SLC22A24: variants seen among roughly 807,000 people sequenced by gnomAD.
SLC22A24 encodes the protein steroid transmembrane transporter SLC22A24.
Under a neutral mutation model 49.8 loss-of-function variants are expected in SLC22A24, and 53 were observed. The observed-to-expected ratio is 1.06, with a 90% confidence interval of 0.85 to 1.34. The LOEUF (loss-of-function observed/expected upper bound fraction) is 1.34, where lower values mean the gene tolerates loss of function less well. Ranked by LOEUF, SLC22A24 falls within the 40% of genes most tolerant of loss-of-function variation. The pLI is 0.00. For synonymous variants in SLC22A24, 302 were observed against 256.4 expected (o/e 1.18, Z -1.70); for missense variants, 786 against 675.9 (o/e 1.16, Z -1.81).
chr11:63,081,062 A>G lies in SLC22A24; in HGVS notation c.1456T>C (p.Leu486=), dbSNP rs373626890. 133 of 1,551,708 alleles carry G rather than the reference A, an allele frequency of 8.6e-5. 2 individuals carry two copies. The African/African-American group carries it at 1.2e-3, about 14-fold the overall frequency. Residue 486 remains leucine, a synonymous_variant, in exon 9 of 10, where the codon TTG becomes CTG. Coordinates refer to ENST00000612278, the MANE Select transcript of SLC22A24 (RefSeq NM_001136506.2). ...GRTGAALAPL[L]MTLMAYSPHL... ...GGAGAATACGCCATTAAGGTCATCAACAGAGGAGCCAGTGCTGCCCCAGTC... is the reference window on the plus strand; with the variant it reads ...GGAGAATACGCCATTAAGGTCATCAGCAGAGGAGCCAGTGCTGCCCCAGTC...
intron 4 of SLC22A24, among the ~76,000 whole-genome samples, chr11:63,111,400 A>T (rs1382238510): frequency 1.3e-5 from 2 of 151,434 alleles, no homozygotes; most frequent in Non-Finnish European, 3.0e-5. Flanking sequence ...TTTTCTATTG[A>T]TTGGAATAGT....
chr11:63,127,891 A>G (rs1187998384), intron 2 of SLC22A24, among the ~76,000 whole-genome samples: 2 of 152,022 alleles, frequency 1.3e-5, no homozygotes, highest in Non-Finnish European at 2.9e-5. Flanking sequence ...ATAGACTACA[A>G]AAATTTTCTC....
chr11:63,137,186 T>C (rs1222781238), intron 1 of SLC22A24, among the ~76,000 whole-genome samples: 1 of 151,988 alleles, frequency 6.6e-6, no homozygotes, highest in East Asian at 1.9e-4. Context: ...GTAGGAAGAG[T>C]CCTGGTTTGG....
intron 6 of SLC22A24, among the ~76,000 whole-genome samples, chr11:63,085,692 T>G (rs910770152): frequency 6.6e-6 from 1 of 152,228 alleles, no homozygotes; most frequent in Non-Finnish European, 1.5e-5. Flanking sequence ...CTCTGCAACC[T>G]TAACACATAG....
intron 6 of SLC22A24, among the ~76,000 whole-genome samples, chr11:63,085,409 T>C (rs2086981732): frequency 6.6e-6 from 1 of 152,154 alleles, no homozygotes; most frequent in Admixed American, 6.5e-5. Context: ...AAATTATAGT[T>C]ACAAGTTTAC....
At chr11:63,080,725 G>A (rs1026550144) in intron 9 of SLC22A24, among the ~76,000 whole-genome samples, 195 bp downstream of exon 9, 3 of 152,136 alleles carry the variant, frequency 2.0e-5, no homozygotes, top group Non-Finnish European at 4.4e-5. Flanking sequence ...TGACATAGAG[G>A]GCCTCAAGAG....
At chr11:63,093,706 G>A (rs925848397) in intron 6 of SLC22A24, among the ~76,000 whole-genome samples, 2 of 152,222 alleles carry the variant, frequency 1.3e-5, no homozygotes, top group East Asian at 1.9e-4. Context: ...GGGGAAGGTG[G>A]GAGGAGGGAG....
At chr11:63,090,013 A>G (rs1223846433) in intron 6 of SLC22A24, among the ~76,000 whole-genome samples, 2 of 140,518 alleles carry the variant, frequency 1.4e-5, no homozygotes, top group East Asian at 4.5e-4. Flanking sequence ...CCCAGGAGGC[A>G]GAGCTTGCAG....
intron 5 of SLC22A24, among the ~76,000 whole-genome samples, chr11:63,099,455 A>G (rs1048627134): frequency 3.7e-5 from 5 of 135,524 alleles, no homozygotes; most frequent in East Asian, 4.4e-4. Context: ...GACTCAAGCA[A>G]TTCTTCTGCC....
At chr11:63,129,642 T>G (rs2087319184) in intron 2 of SLC22A24, among the ~76,000 whole-genome samples, 1 of 152,216 alleles carries the variant, frequency 6.6e-6, no homozygotes. Context: ...TTGTGTCCTC[T>G]TTTATTTTGT....
At chr11:63,113,028 AAAAAAAAATAT>A (rs2087178693) in intron 4 of SLC22A24, among the ~76,000 whole-genome samples, 1 of 52,794 alleles carries the variant, frequency 1.9e-5, no homozygotes, top group African/African-American at 7.8e-5. Flanking sequence ...AAAAAAAAAA[AAAAAAAAATAT>A]ATATATATAT....
intron 5 of SLC22A24, among the ~76,000 whole-genome samples, chr11:63,097,860 G>T (rs1334369237): frequency 6.6e-6 from 1 of 152,016 alleles, no homozygotes; most frequent in African/African-American, 2.4e-5. Context: ...ATAAGTGGGA[G>T]CTGAACAATG....
chr11:63,121,832 T>G (rs1300807989), intron 2 of SLC22A24, among the ~76,000 whole-genome samples: 2 of 152,064 alleles, frequency 1.3e-5, no homozygotes, highest in Non-Finnish European at 2.9e-5. Flanking sequence ...ATGTTCCCCT[T>G]CCTGTGTCCA....
intron 5 of SLC22A24, among the ~76,000 whole-genome samples, chr11:63,096,548 A>C (rs1185313517): frequency 6.6e-6 from 1 of 152,154 alleles, no homozygotes; most frequent in Non-Finnish European, 1.5e-5. Context: ...GCTTCTGAGC[A>C]ATTATTCTCT....
At chr11:63,094,922 T>G (rs527472341) in intron 6 of SLC22A24, among the ~76,000 whole-genome samples, 2 of 152,284 alleles carry the variant, frequency 1.3e-5, no homozygotes, top group South Asian at 2.1e-4. Context: ...TTTCTCCCAT[T>G]GTGTAGGTTG....
intron 5 of SLC22A24, among the ~76,000 whole-genome samples, chr11:63,100,089 G>T (rs891068217): frequency 1.3e-5 from 2 of 152,072 alleles, no homozygotes; most frequent in African/African-American, 4.8e-5. Context: ...AATCAGACAA[G>T]AGACAGATAT....
chr11:63,137,563 G>A (rs1037341076), intron 1 of SLC22A24, among the ~76,000 whole-genome samples: 4 of 152,182 alleles, frequency 2.6e-5, no homozygotes, highest in Admixed American at 2.6e-4. Flanking sequence ...AGGCAACAGG[G>A]ACCAACAGGA....
chr11:63,131,122 G>A (rs1313802624), intron 2 of SLC22A24, among the ~76,000 whole-genome samples: 1 of 151,658 alleles, frequency 6.6e-6, no homozygotes, highest in African/African-American at 2.4e-5. Flanking sequence ...CTTTCCATTT[G>A]CTTGGTAGAT....
intron 5 of SLC22A24, among the ~76,000 whole-genome samples, chr11:63,097,103 C>T (rs1202684086): frequency 6.6e-6 from 1 of 151,862 alleles, no homozygotes; most frequent in Admixed American, 6.6e-5. Context: ...CTGTGCACAG[C>T]AAAAGAAACT....
Sources: gnomAD v4.1 joint callset for allele counts (sites outside exome capture counted in the v4.1 genomes callset) on GRCh38, gnomAD v4.1.1 for gene constraint, MANE v1.5 for transcripts, NCBI Gene and HGNC (gene_info 2026-07-23, HGNC 2026-07-21) for gene names.